PDSS2: variants seen among roughly 807,000 people sequenced by gnomAD.
PDSS2 encodes the protein decaprenyl diphosphate synthase subunit 2.
Under a neutral mutation model 44.5 loss-of-function variants are expected in PDSS2, and 31 were observed. The observed-to-expected ratio is 0.70, with a 90% CI of 0.52 to 0.94. The LOEUF is 0.94. Ranked by LOEUF, PDSS2 falls within the 40% of genes least tolerant of loss-of-function variation. PDSS2 has a pLI of 0.00. For missense variants in PDSS2, 452 were observed against 482.2 expected (o/e 0.94, Z 0.59); for synonymous variants, 157 against 180.3 (o/e 0.87, Z 1.03).
In PDSS2 at chr6:107,198,358, G is replaced by A. The variant is rs573398392; in HGVS notation, c.1009-4504C>T. On this transcript the variant is annotated intron_variant, in intron 6 of 7. Transcript: ENST00000369037. ...GAAGCCTACATAAAATGACAACACC[G>A]TTACCACAGCCATTATAATCTGAAC... Among the ~76,000 whole-genome samples, 13 of 152,186 alleles carry A rather than the reference G, an allele frequency of 8.5e-5. No homozygotes were observed. In the South Asian group the frequency reaches 1.0e-3, roughly 12 times the overall value.
chr6:107,404,315 C>T (rs1436231509), intron 1 of PDSS2, among the ~76,000 whole-genome samples: 1 of 152,172 alleles, frequency 6.6e-6, no homozygotes, highest in Non-Finnish European at 1.5e-5. Context: ...TTTCCCACAA[C>T]TTCCTGTCTT....
At chr6:107,179,495 G>T (rs1275605713) in intron 7 of PDSS2, among the ~76,000 whole-genome samples, 1 of 145,636 alleles carries the variant, frequency 6.9e-6, no homozygotes, top group African/African-American at 2.6e-5. Context: ...TGGTCAGGCT[G>T]GTCTCAAACT....
rs533926732 is a variant in PDSS2, at chr6:107,238,890, C to A, written c.702+6658G>T. Among the ~76,000 whole-genome samples the A allele has an allele frequency of 3.3e-5, 5 of 152,128 alleles. No individual in the cohort carries two copies. In the South Asian group the frequency reaches 8.3e-4, roughly 25 times the overall value. ...TACTCTTCTTGATTTAAGAATCTCA[C>A]TTTCAGGATTTTTTTTTTTAAGCAA... is the stretch of plus-strand genomic sequence containing the variant. On this transcript the variant is annotated intron_variant, in intron 4 of 7. Transcript: ENST00000369037.
chr6:107,323,934 T>C (rs951539966), intron 2 of PDSS2, among the ~76,000 whole-genome samples: 1 of 152,168 alleles, frequency 6.6e-6, no homozygotes, highest in Non-Finnish European at 1.5e-5. Context: ...ATAAACTAAC[T>C]CAGCTGAGTA....
At chr6:107,418,579 C>T (rs1180069326) in intron 1 of PDSS2, among the ~76,000 whole-genome samples, 2 of 152,206 alleles carry the variant, frequency 1.3e-5, no homozygotes, top group African/African-American at 4.8e-5. Flanking sequence ...CGAGACCATC[C>T]TGGGAAACAT....
At chr6:107,432,976 T>A (rs1781238641) in intron 1 of PDSS2, among the ~76,000 whole-genome samples, 1 of 152,142 alleles carries the variant, frequency 6.6e-6, no homozygotes, top group Non-Finnish European at 1.5e-5. Context: ...TCTAATTCTT[T>A]AAGCTCAACT....
At chr6:107,318,356 C>T (rs549271925) in intron 2 of PDSS2, among the ~76,000 whole-genome samples, 6 of 152,106 alleles carry the variant, frequency 3.9e-5, no homozygotes, top group Non-Finnish European at 8.8e-5. Context: ...GGCACCCATC[C>T]TCCCACCCAG....
intron 1 of PDSS2, among the ~76,000 whole-genome samples, chr6:107,438,404 CAA>C (rs765907227): frequency 2.2e-4 from 34 of 152,102 alleles, no homozygotes; most frequent in African/African-American, 8.0e-4. Flanking sequence ...ATTTTTAGTA[CAA>C]AGTTTCGCAT....
intron 3 of PDSS2, among the ~76,000 whole-genome samples, chr6:107,268,128 G>A (rs1775471677): frequency 6.6e-6 from 1 of 152,026 alleles, no homozygotes; most frequent in Admixed American, 6.6e-5. Context: ...TTTTTGGCTG[G>A]ATCCATGATG....
chr6:107,333,254 T>C (rs1244008783), intron 2 of PDSS2, among the ~76,000 whole-genome samples: 2 of 152,236 alleles, frequency 1.3e-5, no homozygotes, highest in African/African-American at 4.8e-5. Context: ...TTGTTACATC[T>C]ATACAGGCTT....
chr6:107,271,448 A>C (rs1489477687), intron 3 of PDSS2, among the ~76,000 whole-genome samples: 1 of 152,178 alleles, frequency 6.6e-6, no homozygotes. Context: ...TTGATTTCCC[A>C]TATATATTTT....
intron 4 of PDSS2, among the ~76,000 whole-genome samples, chr6:107,228,522 C>T (rs572063253): frequency 1.8e-4 from 28 of 151,954 alleles, no homozygotes; most frequent in Non-Finnish European, 3.7e-4. Flanking sequence ...GGTGAAACCC[C>T]GTCTCTACTA....
At chr6:107,257,740 T>A (rs1281968395) in intron 3 of PDSS2, among the ~76,000 whole-genome samples, 1 of 152,078 alleles carries the variant, frequency 6.6e-6, no homozygotes, top group East Asian at 1.9e-4. Context: ...TGCCTTGACC[T>A]CCCAAGTAGC....
At chr6:107,240,683 C>A (rs1268424147) in intron 4 of PDSS2, among the ~76,000 whole-genome samples, 1 of 151,520 alleles carries the variant, frequency 6.6e-6, no homozygotes, top group African/African-American at 2.4e-5. Context: ...CAGGCGTGAG[C>A]CACCGCACCT....
intron 2 of PDSS2, among the ~76,000 whole-genome samples, chr6:107,307,523 C>CTTTT (rs77184396): frequency 7.0e-6 from 1 of 142,298 alleles, no homozygotes; most frequent in Non-Finnish European, 1.5e-5. Context: ...CTTTTTAAGC[C>CTTTT]TTTTTTTTTT....
At chr6:107,265,546 T>C (rs987817492) in intron 3 of PDSS2, among the ~76,000 whole-genome samples, 3 of 152,250 alleles carry the variant, frequency 2.0e-5, no homozygotes, top group African/African-American at 4.8e-5. Context: ...CTGTGGTATC[T>C]ATTTATGTTG....
At chr6:107,288,670 C>T (rs889571353) in intron 2 of PDSS2, among the ~76,000 whole-genome samples, 1 of 149,936 alleles carries the variant, frequency 6.7e-6, no homozygotes, top group African/African-American at 2.5e-5. Context: ...TTGAAAAGAG[C>T]AAGCAACGAG....
chr6:107,195,446 C>T (rs1355321174), intron 6 of PDSS2, among the ~76,000 whole-genome samples: 52 of 137,872 alleles, frequency 3.8e-4, no homozygotes, highest in Non-Finnish European at 1.5e-4. Flanking sequence ...TGCACCACTA[C>T]ACTCCAACCT....
intron 7 of PDSS2, among the ~76,000 whole-genome samples, chr6:107,168,651 A>G (rs571788817): frequency 5.6e-4 from 84 of 150,512 alleles, no homozygotes; most frequent in Admixed American, 1.1e-3. Flanking sequence ...TTCCTTCAGG[A>G]GCTCTTTTAG....
Sources: gnomAD v4.1 joint callset for allele counts (sites outside exome capture counted in the v4.1 genomes callset) on GRCh38, gnomAD v4.1.1 for gene constraint, MANE v1.5 for transcripts, NCBI Gene and HGNC (gene_info 2026-07-23, HGNC 2026-07-21) for gene names.